The following FAM171A1 variants were observed in gnomAD, a reference collection of about 807,000 sequenced individuals.
FAM171A1 encodes family with sequence similarity 171 member A1, also known as protein FAM171A1.
A neutral mutation model predicts 74.9 loss-of-function variants in FAM171A1; 23 were observed. That is an observed-to-expected ratio of 0.31 (90% CI 0.22 to 0.44). The LOEUF (loss-of-function observed/expected upper bound fraction) is 0.44, where lower values mean the gene tolerates loss of function less well. FAM171A1 is among the 20% of genes least tolerant of loss of function. FAM171A1 has a pLI of 1.00. For synonymous variants in FAM171A1, 527 were observed against 505.7 expected (o/e 1.04, Z -0.57); for missense variants, 1,162 against 1,159.2 (o/e 1.00, Z -0.03).
At chr10:15,290,844 G>C (rs1050871398) in intron 1 of FAM171A1, among the ~76,000 whole-genome samples, 3 of 152,164 alleles carry the variant, frequency 2.0e-5, no homozygotes, top group Non-Finnish European at 2.9e-5. Context: ...AGAGAGCTTT[G>C]TGCAGGGGCC....
intron 1 of FAM171A1, among the ~76,000 whole-genome samples, chr10:15,285,744 G>C (rs1377943001): frequency 6.6e-6 from 1 of 152,186 alleles, no homozygotes; most frequent in African/African-American, 2.4e-5. Context: ...GTGGGGAAAG[G>C]ACTAGCAAAA....
intron 3 of FAM171A1, among the ~76,000 whole-genome samples, chr10:15,273,647 C>A (rs1834856175): frequency 6.6e-6 from 1 of 152,166 alleles, no homozygotes; most frequent in Admixed American, 6.5e-5. Context: ...AAAATACTGG[C>A]AAACCGAATC....
In FAM171A1 at chr10:15,235,842, C is replaced by G. The variant is rs115002290; in HGVS notation, c.754+12797G>C. On this transcript the variant is annotated intron_variant, in intron 5 of 7. Coordinates refer to ENST00000378116, the MANE Select transcript of FAM171A1 (RefSeq NM_001010924.2). Reference sequence around the variant, plus strand: ...GATCTACAGGCTTCAGTGGGAAACGCTGAATCTCACTGGGGAAACCTTGGA... The same window carrying G: ...GATCTACAGGCTTCAGTGGGAAACGGTGAATCTCACTGGGGAAACCTTGGA... Among the ~76,000 whole-genome samples the G allele has an allele frequency of 8.3e-3, 1,262 of 152,272 alleles. 17 individuals carry two copies. Among genetic ancestry groups the G allele is most frequent in the African/African-American group, 0.029 (1,214 of 41,544 alleles).
intron 1 of FAM171A1, among the ~76,000 whole-genome samples, chr10:15,331,264 G>A (rs1380447952): frequency 4.6e-5 from 7 of 152,164 alleles, no homozygotes; most frequent in African/African-American, 9.7e-5. Context: ...GAGGGGAGGC[G>A]TCACCAGGCA....
intron 1 of FAM171A1, among the ~76,000 whole-genome samples, chr10:15,358,778 T>C (rs1009887862): frequency 1.3e-5 from 2 of 152,242 alleles, no homozygotes; most frequent in Admixed American, 6.5e-5. Context: ...GGTGTTTTCA[T>C]CTTTGTTCAT....
At chr10:15,265,161 T>G (rs145524185) in intron 3 of FAM171A1, among the ~76,000 whole-genome samples, 1 of 152,246 alleles carries the variant, frequency 6.6e-6, no homozygotes, top group East Asian at 1.9e-4. Context: ...GAAAACTACC[T>G]GAATGTCTTA....
At chr10:15,363,779 G>C (rs1430395059) in intron 1 of FAM171A1, among the ~76,000 whole-genome samples, 1 of 152,120 alleles carries the variant, frequency 6.6e-6, no homozygotes, top group Non-Finnish European at 1.5e-5. Context: ...CACTGAACTG[G>C]ATTCTTTTGC....
intron 5 of FAM171A1, among the ~76,000 whole-genome samples, chr10:15,225,167 T>G (rs1032503087): frequency 2.6e-5 from 4 of 152,240 alleles, no homozygotes; most frequent in Non-Finnish European, 5.9e-5. Flanking sequence ...GTGTGGCCTG[T>G]GTCTTGCGTT....
chr10:15,273,119 G>C (rs1374680480), intron 3 of FAM171A1, among the ~76,000 whole-genome samples: 2 of 151,948 alleles, frequency 1.3e-5, no homozygotes, highest in Non-Finnish European at 2.9e-5. Flanking sequence ...TTTTTGAAAA[G>C]ATCAACAAAA....
chr10:15,271,286 C>T (rs1047918944), intron 3 of FAM171A1, among the ~76,000 whole-genome samples: 1 of 151,974 alleles, frequency 6.6e-6, no homozygotes, highest in East Asian at 1.9e-4. Context: ...AGGGTATCAG[C>T]GACTGAAGAT....
At chr10:15,372,038 C>A (rs1468792529), upstream of FAM171A1, among the ~76,000 whole-genome samples, 1 of 152,074 alleles carries the variant, frequency 6.6e-6, no homozygotes, top group Non-Finnish European at 1.5e-5. Flanking sequence ...AGTCAGACAT[C>A]CCCTGGCAGG....
intron 1 of FAM171A1, among the ~76,000 whole-genome samples, chr10:15,306,229 A>G (rs1031274348): frequency 4.7e-4 from 71 of 152,374 alleles, no homozygotes; most frequent in African/African-American, 1.7e-3. Context: ...TGTTTCACTG[A>G]GGCTATGACA....
chr10:15,302,208 A>C (rs558041523), intron 1 of FAM171A1, among the ~76,000 whole-genome samples: 1 of 152,162 alleles, frequency 6.6e-6, no homozygotes, highest in Non-Finnish European at 1.5e-5. Flanking sequence ...TCATGCCTGT[A>C]ATCCCTGCAC....
chr10:15,268,773 G>T (rs185790347), intron 3 of FAM171A1, among the ~76,000 whole-genome samples: 1 of 152,198 alleles, frequency 6.6e-6, no homozygotes, highest in Non-Finnish European at 1.5e-5. Context: ...GTTGGGCCAG[G>T]CATGGTGCCT....
chr10:15,214,742 T>G, intron 7 of FAM171A1, 141 bp from the exon 8 acceptor site: 1 of 1,023,480 alleles, frequency 9.8e-7, no homozygotes, highest in African/African-American at 1.7e-5. Flanking sequence ...AAAAGCCTTC[T>G]CACCCCACGC....
chr10:15,282,503 C>T (rs1006142778), intron 2 of FAM171A1, among the ~76,000 whole-genome samples: 2 of 152,198 alleles, frequency 1.3e-5, no homozygotes, highest in Non-Finnish European at 2.9e-5. Flanking sequence ...CTCAGCCCTG[C>T]GTTTCCCTTG....
At chr10:15,361,848 G>C in intron 1 of FAM171A1, among the ~76,000 whole-genome samples, 1 of 152,170 alleles carries the variant, frequency 6.6e-6, no homozygotes, top group East Asian at 1.9e-4. Context: ...GCTCAAGATA[G>C]TACATCTAAG....
Position 15,282,988 on chromosome 10 carries a change from G to A in FAM171A1, c.325+890C>T, listed in dbSNP as rs142556241. ...ACCCCAAGTTCATTTCAAACTAAAG[G>A]CCGAATATGCTCACTTGGTGTCCCA... On this transcript the variant is annotated intron_variant, in intron 2 of 7. Transcript: ENST00000378116. Among the ~76,000 whole-genome samples, 660 of 152,208 alleles carry A rather than the reference G, an allele frequency of 4.3e-3. 3 individuals are homozygous for A. The highest frequency in any genetic ancestry group is 0.014 in the African/African-American group (592 of 41,538).
intron 3 of FAM171A1, among the ~76,000 whole-genome samples, chr10:15,262,269 G>C (rs887445104): frequency 3.3e-5 from 5 of 152,238 alleles, no homozygotes; most frequent in Non-Finnish European, 7.3e-5. Flanking sequence ...ATGTCAGAGC[G>C]ATCAGGCAGG....
Sources: allele counts gnomAD v4.1 joint callset (sites outside exome capture counted in the v4.1 genomes callset), GRCh38; gene constraint gnomAD v4.1.1; transcripts MANE v1.5; gene names NCBI Gene and HGNC (gene_info 2026-07-23, HGNC 2026-07-21).